Variants in RAB3IL1 observed in about 807,000 individuals in gnomAD.
The protein encoded by RAB3IL1 is RAB3A interacting protein like 1.
In RAB3IL1, 37 loss-of-function variants were observed where a neutral mutation model predicts 49.2. The ratio of observed to expected loss-of-function variants is 0.75; its 90% CI spans 0.58 to 0.99. The LOEUF is 0.99. Ranked by LOEUF, RAB3IL1 falls within the 50% of genes least tolerant of loss-of-function variation. RAB3IL1 has a pLI of 0.00. For synonymous variants in RAB3IL1, 193 were observed against 213.9 expected (o/e 0.90, Z 0.85); for missense variants, 484 against 513.0 (o/e 0.94, Z 0.55).
Position 61,917,479 on chromosome 11 carries a change from T to TC in RAB3IL1, c.-113dup. On this transcript the variant is annotated 5_prime_UTR_variant, in exon 1 of 10. Transcript: ENST00000394836. Reference sequence around the variant, plus strand: ...AGGGGCCGAGCCGCCCCACCGCCTGTCAGCCCTGCCCGCGGCCGGTCAGTA... The same window carrying TC: ...AGGGGCCGAGCCGCCCCACCGCCTGTCCAGCCCTGCCCGCGGCCGGTCAGTA... 1 of 1,152,410 alleles carries TC rather than the reference T, an allele frequency of 8.7e-7. No individual in the cohort carries two copies. Among genetic ancestry groups the TC allele is most frequent in the Non-Finnish European group, 1.1e-6 (1 of 938,478 alleles). 71.4% of individuals were successfully genotyped at this position (1,152,410 alleles called of 1,614,324 possible).
At chr11:61,922,006 G>T (rs925636367), upstream of RAB3IL1, among the ~76,000 whole-genome samples, 8 of 151,178 alleles carry the variant, frequency 5.3e-5, no homozygotes, top group African/African-American at 1.7e-4. Flanking sequence ...AACAAACCGA[G>T]ACCTCATCTC....
At chr11:61,913,656 C>T (rs1240004557) in intron 1 of RAB3IL1, among the ~76,000 whole-genome samples, 2 of 152,256 alleles carry the variant, frequency 1.3e-5, no homozygotes, top group South Asian at 2.1e-4. Flanking sequence ...TCCTCAAATG[C>T]GCCTGTGGCG....
chr11:61,917,512 G>A lies in RAB3IL1; in HGVS notation c.-145C>T, dbSNP rs1015831464. 8.9e-7 allele frequency: 1 copy of A among 1,126,952 alleles called. No homozygotes were observed. The highest frequency in any genetic ancestry group is 1.7e-5 in the African/African-American group (1 of 60,560). The allele number at this position is 1,126,952 out of a possible 1,614,324, so 69.8% of individuals were successfully genotyped here. Reference sequence around the variant, plus strand: ...GCCCGCGGCCGGTCAGTAGGTCTCAGACGCCTGGGCTCGCGGCCCCCAGCC... The same window carrying A: ...GCCCGCGGCCGGTCAGTAGGTCTCAAACGCCTGGGCTCGCGGCCCCCAGCC... On this transcript the variant is annotated 5_prime_UTR_variant, in exon 1 of 10. Transcript: ENST00000394836.
chr11:61,910,575 T>C (rs1038214757), intron 1 of RAB3IL1, among the ~76,000 whole-genome samples: 13 of 152,188 alleles, frequency 8.5e-5, no homozygotes, highest in African/African-American at 2.9e-4. Context: ...AATCAAGAGC[T>C]CTAAGAGCAG....
At position 61,916,928 on chromosome 11, in the gene RAB3IL1, C is replaced by A. The variant is rs921044814; in HGVS notation, c.11+429G>T. 4.6e-5 allele frequency among the ~76,000 whole-genome samples: 7 copies of A among 152,064 alleles called. No individual in the cohort carries two copies. In the East Asian group the frequency reaches 1.4e-3, roughly 29 times the overall value. On this transcript the variant is annotated intron_variant, in intron 1 of 9. Coordinates refer to ENST00000394836, the MANE Select transcript of RAB3IL1 (RefSeq NM_013401.4). ...GTTCTGCCCTCAACTTGGGAGCCACCCTGGCAAAGACCCAGCCCCTCTTTC... is the reference window on the plus strand; with the variant it reads ...GTTCTGCCCTCAACTTGGGAGCCACACTGGCAAAGACCCAGCCCCTCTTTC...
the RAB3IL1 span, among the ~76,000 whole-genome samples, chr11:61,946,281 C>G: frequency 6.6e-6 from 1 of 152,186 alleles, no homozygotes; most frequent in Non-Finnish European, 1.5e-5. Context: ...CAAGCTGGGT[C>G]TCCTTCTTCC....
intron 7 of RAB3IL1, among the ~76,000 whole-genome samples, 154 bp from the exon 8 acceptor site, chr11:61,902,695 C>A (rs989951287): frequency 6.6e-5 from 10 of 152,192 alleles, no homozygotes; most frequent in Non-Finnish European, 1.3e-4. Context: ...CAGAGCCAGG[C>A]AGAGAAGGGA....
chr11:61,904,584 G>C lies in RAB3IL1; in HGVS notation c.861C>G (p.Pro287=). The part of the protein sequence containing the change: ...TIEPVASQTL[P]TVKVAEVDCS... The stretch of plus-strand genomic sequence containing the variant: ...AGTCAACCTCGGCCACCTTCACTGT[G>C]GGCAGCGTCTGCGAAGCCACCGGCT... The change falls in exon 7 of 10, where the codon CCC becomes CCG. Residue 287 remains proline (P), a synonymous_variant. Coordinates refer to ENST00000394836, the MANE Select transcript of RAB3IL1 (RefSeq NM_013401.4). 1 of 1,613,144 alleles carries C rather than the reference G, an allele frequency of 6.2e-7. No individual in the cohort carries two copies. The highest frequency in any genetic ancestry group is 1.1e-5 in the South Asian group (1 of 90,806).
chr11:61,934,455 T>TATATA, the RAB3IL1 span, among the ~76,000 whole-genome samples: 1 of 37,852 alleles, frequency 2.6e-5, no homozygotes, highest in Non-Finnish European at 5.2e-5. Context: ...TGTATGTATA[T>TATATA]ATATATATAT....
At chr11:61,917,970 AG>A, upstream of RAB3IL1, among the ~76,000 whole-genome samples, 1 of 152,276 alleles carries the variant, frequency 6.6e-6, no homozygotes, top group East Asian at 1.9e-4. Flanking sequence ...CCTGCTGGGA[AG>A]GGGAGGGGAC....
rs374272703 is a variant in RAB3IL1, at chr11:61,906,516, C to T, written c.607G>A (p.Val203Met). 22 of 1,554,628 alleles carry T rather than the reference C, an allele frequency of 1.4e-5. No individual in the cohort carries two copies. Among genetic ancestry groups the T allele is most frequent in the African/African-American group, 5.4e-5 (4 of 73,554 alleles). ...AGGGTGTGTCCCGCAGCGGGACACA[C>T]GGCGGGGCAGAGGGTGCTGCTGGTG... Reference protein sequence around the residue: ...KSTSSTLCPAVCPAAGHTLTP... With the variant: ...KSTSSTLCPAMCPAAGHTLTP... The change falls in exon 5 of 10, where the codon GTG becomes ATG. Residue 203 changes from valine to methionine, a missense_variant. Physicochemically the swap from Val to Met is conservative, Grantham distance 21 (BLOSUM62 1). Transcript: ENST00000394836. This position sits in a 1 kb window ranked among gnomAD's most constrained non-coding sequence, Gnocchi z 4.6.
upstream of RAB3IL1, among the ~76,000 whole-genome samples, chr11:61,918,281 C>A (rs1939797857): frequency 6.6e-6 from 1 of 152,196 alleles, no homozygotes; most frequent in South Asian, 2.1e-4. Flanking sequence ...TCATTCGTCT[C>A]AACTTCAGCC....
At chr11:61,921,282 G>T (rs1305620132), upstream of RAB3IL1, among the ~76,000 whole-genome samples, 1 of 152,210 alleles carries the variant, frequency 6.6e-6, no homozygotes, top group African/African-American at 2.4e-5. Flanking sequence ...CCCGGGGTCA[G>T]ACGGGCTGGA....
intron 8 of RAB3IL1, among the ~76,000 whole-genome samples, chr11:61,900,015 C>A (rs1938822014): frequency 6.6e-6 from 1 of 152,222 alleles, no homozygotes; most frequent in Non-Finnish European, 1.5e-5. Flanking sequence ...CCTTCCCAGG[C>A]CCGGGCCCCA....
the RAB3IL1 span, among the ~76,000 whole-genome samples, chr11:61,927,574 C>G: frequency 2.0e-5 from 3 of 152,076 alleles, no homozygotes; most frequent in Non-Finnish European, 4.4e-5. Context: ...GGGGCTAGAT[C>G]TTGTGGGGCT....
the RAB3IL1 span, among the ~76,000 whole-genome samples, chr11:61,944,242 C>CCTTCCTTCCTTCCTTCCTTCCTTTTT: frequency 7.9e-6 from 1 of 127,280 alleles, no homozygotes; most frequent in Admixed American, 8.5e-5. Context: ...TTCCTTCCTT[C>CCTTCCTTCCTTCCTTCCTTCCTTTTT]CTTCCTTCCT....
At chr11:61,916,207 G>T (rs1382837662) in intron 1 of RAB3IL1, among the ~76,000 whole-genome samples, 1 of 152,024 alleles carries the variant, frequency 6.6e-6, no homozygotes, top group African/African-American at 2.4e-5. Context: ...TTAGCCGGGT[G>T]TGGTGGTGTG....
At chr11:61,928,723 C>A in the RAB3IL1 span, among the ~76,000 whole-genome samples, 9 of 152,220 alleles carry the variant, frequency 5.9e-5, no homozygotes, top group Non-Finnish European at 1.2e-4. Context: ...GGTGACACCC[C>A]TGGCTCCAGG....
rs1241640575 is a variant in RAB3IL1 at position 61,904,636 on chromosome 11, G to GCGGC, written c.805_808dup (p.Ala270GlyfsTer11). 6.2e-7 allele frequency: 1 copy of GCGGC among 1,612,096 alleles called. No homozygotes were observed. The highest frequency in any genetic ancestry group is 8.5e-7 in the Non-Finnish European group (1 of 1,179,336). On this transcript the variant is annotated frameshift_variant, in exon 7 of 10. Coordinates refer to ENST00000394836, the MANE Select transcript of RAB3IL1 (RefSeq NM_013401.4). LOFTEE classifies it high-confidence loss of function. ...AATGGTGAGCGTGTTGTCCTCCACG[G>GCGGC]CGGCCCGTACCAGCACCGAGAGCTG...
Sources: gnomAD v4.1 joint callset for allele counts (sites outside exome capture counted in the v4.1 genomes callset) on GRCh38, gnomAD v4.1.1 for gene constraint, Gnocchi (gnomAD v3.1) non-coding constraint, MANE v1.5 for transcripts, NCBI Gene and HGNC (gene_info 2026-07-23, HGNC 2026-07-21) for gene names.